Variants in CDH11 observed in about 807,000 individuals in gnomAD.
The protein encoded by CDH11 is cadherin 11.
In CDH11, 11 loss-of-function variants were observed where a neutral mutation model predicts 67.8. The observed-to-expected ratio is 0.16, with a 90% confidence interval of 0.10 to 0.27. CDH11 has a LOEUF of 0.27. Ranked by LOEUF, CDH11 falls within the 10% of genes least tolerant of loss-of-function variation. CDH11 has a pLI of 1.00. For missense variants in CDH11, 847 were observed against 1,031.2 expected (o/e 0.82, Z 2.45); for synonymous variants, 419 against 400.0 (o/e 1.05, Z -0.57).
chr16:65,035,702 C>T (rs1027281967), intron 2 of CDH11, among the ~76,000 whole-genome samples: 1 of 152,196 alleles, frequency 6.6e-6, no homozygotes, highest in African/African-American at 2.4e-5. Flanking sequence ...AAAGGGCTTT[C>T]ATGAACATTA....
intron 2 of CDH11, among the ~76,000 whole-genome samples, chr16:65,038,388 A>G (rs1240113413): frequency 6.6e-6 from 1 of 152,184 alleles, no homozygotes; most frequent in Non-Finnish European, 1.5e-5. Context: ...ATCCTGTACA[A>G]CAGGATGAGA....
At chr16:64,989,960 A>T (rs1178953198) in intron 6 of CDH11, among the ~76,000 whole-genome samples, 1 of 152,076 alleles carries the variant, frequency 6.6e-6, no homozygotes, top group African/African-American at 2.4e-5. Flanking sequence ...TTTCTTTTGG[A>T]TTCATAATCT....
chr16:65,049,468 C>T (rs1014573633), intron 2 of CDH11, among the ~76,000 whole-genome samples: 27 of 152,076 alleles, frequency 1.8e-4, no homozygotes, highest in African/African-American at 6.3e-4. Context: ...ATCATGACCC[C>T]TGCGCATAGC....
At chr16:64,992,798 G>A (rs1211886340) in intron 5 of CDH11, 117 bp downstream of exon 5, 12 of 917,298 alleles carry the variant, frequency 1.3e-5, no homozygotes, top group Non-Finnish European at 1.8e-5. Flanking sequence ...ACCCTATAGG[G>A]TAGCCCTCTG....
At chr16:64,999,214 T>C (rs2072851990) in intron 3 of CDH11, among the ~76,000 whole-genome samples, 1 of 152,222 alleles carries the variant, frequency 6.6e-6, no homozygotes, top group Non-Finnish European at 1.5e-5. Flanking sequence ...TAAGCAAACA[T>C]TCATGCAATA....
intron 2 of CDH11, among the ~76,000 whole-genome samples, chr16:65,027,388 C>T (rs904782637): frequency 3.9e-5 from 6 of 152,174 alleles, no homozygotes; most frequent in East Asian, 1.9e-4. Context: ...TTGGCCTTTG[C>T]GCTCAGGGAT....
At chr16:64,997,322 A>C (rs1286078251) in intron 4 of CDH11, among the ~76,000 whole-genome samples, 2 of 149,764 alleles carry the variant, frequency 1.3e-5, no homozygotes, top group Admixed American at 1.3e-4. Context: ...TAAATAAATA[A>C]ATAAATAAAT....
At chr16:65,081,193 G>T (rs2074603099) in intron 1 of CDH11, among the ~76,000 whole-genome samples, 1 of 152,076 alleles carries the variant, frequency 6.6e-6, no homozygotes, top group Non-Finnish European at 1.5e-5. Flanking sequence ...CTGAATATCA[G>T]TATGAAATAG....
chr16:65,081,430 A>C (rs955509795), intron 1 of CDH11, among the ~76,000 whole-genome samples: 1 of 152,126 alleles, frequency 6.6e-6, no homozygotes. Context: ...TTAGCCGGGC[A>C]TGGTGGCGGG....
chr16:64,945,305 A>G lies in CDH11; in HGVS notation c.*2298T>C, dbSNP rs1402345072. 1 of 415,534 alleles carries G rather than the reference A, an allele frequency of 2.4e-6. No individual in the cohort carries two copies. Among genetic ancestry groups the G allele is most frequent in the Non-Finnish European group, 3.2e-6 (1 of 312,732 alleles). The allele number at this position is 415,534 out of a possible 1,614,324, so 25.7% of individuals were successfully genotyped here. On this transcript the variant is annotated 3_prime_UTR_variant, in exon 13 of 13. Transcript: ENST00000268603. ...GCTTAACGAAAAAATAAAAGGTAAA[A>G]AAAAAAAAAAAAAAGAAAAAGAAAA...
chr16:65,075,411 G>A (rs955509803), intron 1 of CDH11, among the ~76,000 whole-genome samples: 2 of 152,216 alleles, frequency 1.3e-5, no homozygotes, highest in Non-Finnish European at 2.9e-5. Context: ...TCCTACTTAC[G>A]GGACCATCTG....
intron 2 of CDH11, among the ~76,000 whole-genome samples, chr16:65,021,027 C>T (rs778626848): frequency 4.1e-4 from 62 of 152,008 alleles, no homozygotes; most frequent in Non-Finnish European, 7.2e-4. Flanking sequence ...GGAATCAGCC[C>T]ATCCCCCATT....
chr16:65,101,897 G>A (rs1424489831), intron 1 of CDH11, among the ~76,000 whole-genome samples: 12 of 152,290 alleles, frequency 7.9e-5, no homozygotes, highest in South Asian at 2.1e-4. Flanking sequence ...ATGAATGAAT[G>A]GATGGATATT....
At chr16:65,119,513 T>C (rs1187519056) in intron 1 of CDH11, among the ~76,000 whole-genome samples, 1 of 152,146 alleles carries the variant, frequency 6.6e-6, no homozygotes, top group Non-Finnish European at 1.5e-5. Context: ...ATCAAGATGG[T>C]CCACTGCTTC....
chr16:65,100,281 G>T (rs2074967551), intron 1 of CDH11, among the ~76,000 whole-genome samples: 1 of 152,120 alleles, frequency 6.6e-6, no homozygotes, highest in Non-Finnish European at 1.5e-5. Context: ...GTTGAATACT[G>T]CCATGAAATT....
At chr16:64,991,704 T>TTAGAGGAGGG in intron 6 of CDH11, 64 bp downstream of exon 6, 1 of 1,234,746 alleles carries the variant, frequency 8.1e-7, no homozygotes, top group East Asian at 2.4e-5. Context: ...CAGGAATAGG[T>TTAGAGGAGGG]TAGAGGAGGG....
chr16:65,056,209 A>G (rs1208762916), intron 1 of CDH11, among the ~76,000 whole-genome samples: 3 of 152,174 alleles, frequency 2.0e-5, no homozygotes, highest in Admixed American at 2.0e-4. Flanking sequence ...CAAATACTCG[A>G]TATTACTGTG....
intron 2 of CDH11, among the ~76,000 whole-genome samples, chr16:65,025,335 G>GT (rs944082249): frequency 2.0e-5 from 3 of 152,032 alleles, no homozygotes; most frequent in Admixed American, 6.6e-5. Context: ...ATTTGGGTAG[G>GT]TTTTTTTCCC....
intron 2 of CDH11, among the ~76,000 whole-genome samples, chr16:65,005,858 C>A (rs79220203): frequency 4.5e-4 from 68 of 152,282 alleles, no homozygotes; most frequent in African/African-American, 1.6e-3. Flanking sequence ...TCCAACCAAC[C>A]AGCCCAAGGT....
Sources: allele counts gnomAD v4.1 joint callset (sites outside exome capture counted in the v4.1 genomes callset), GRCh38; gene constraint gnomAD v4.1.1; transcripts MANE v1.5; gene names NCBI Gene and HGNC (gene_info 2026-07-23, HGNC 2026-07-21).